EPHA5: variants seen among roughly 807,000 people sequenced by gnomAD.
The protein encoded by EPHA5 is ephrin type-A receptor 5.
Under a neutral mutation model 105.0 loss-of-function variants are expected in EPHA5, and 60 were observed. The ratio of observed to expected loss-of-function variants is 0.57; its 90% CI spans 0.46 to 0.71. The LOEUF (loss-of-function observed/expected upper bound fraction) is 0.71, where lower values mean the gene tolerates loss of function less well. Among genes scored for constraint, EPHA5 ranks in the 30% least tolerant of loss-of-function variants. The pLI is 0.00. For missense variants in EPHA5, 1,218 were observed against 1,274.7 expected (o/e 0.96, Z 0.68); for synonymous variants, 513 against 449.1 (o/e 1.14, Z -1.80).
At chr4:65,431,423 T>C (rs1163972388) in intron 5 of EPHA5, among the ~76,000 whole-genome samples, 2 of 152,128 alleles carry the variant, frequency 1.3e-5, no homozygotes, top group Non-Finnish European at 2.9e-5. Flanking sequence ...AACATGCATG[T>C]GGAGTAACAA....
intron 14 of EPHA5, among the ~76,000 whole-genome samples, chr4:65,345,062 A>G (rs1350989646): frequency 2.0e-5 from 3 of 152,218 alleles, no homozygotes; most frequent in Non-Finnish European, 4.4e-5. Flanking sequence ...TAAAACAGTA[A>G]CAATAATAGC....
At chr4:65,408,993 G>A (rs955857418) in intron 7 of EPHA5, among the ~76,000 whole-genome samples, 3 of 112,716 alleles carry the variant, frequency 2.7e-5, no homozygotes, top group African/African-American at 9.4e-5. Context: ...TATACACCAT[G>A]GAATACTATG....
Position 65,602,148 on chromosome 4 carries a change from G to A in EPHA5, c.403C>T (p.Arg135Trp), listed in dbSNP as rs56375573. The A allele has an allele frequency of 1.2e-6, 2 of 1,614,024 alleles. No homozygotes were observed. Among genetic ancestry groups the A allele is most frequent in the Non-Finnish European group, 1.7e-6 (2 of 1,180,014 alleles). Residue 135 changes from arginine (R) to tryptophan (W), a missense_variant, in exon 3 of 17, where the codon CGG (arginine) becomes TGG (tryptophan). Physicochemically the swap from Arg to Trp is moderately radical, Grantham distance 101. Around this residue, in one of 3 missense-constraint regions of EPHA5, gnomAD observed 233 missense variants for 227.5 expected, o/e 1.02. Coordinates refer to ENST00000613740, the MANE Select transcript of EPHA5 (RefSeq NM_001281766.3). ...RIFIELKFTL[R>W]DCNSLPGGLG... ...CCTCCAGGAAGGCTGTTGCAGTCCC[G>A]CAGGGTAAATTTGAGTTCTATGAAG...
chr4:65,501,137 C>T (rs1454569580), intron 3 of EPHA5, among the ~76,000 whole-genome samples: 7 of 151,218 alleles, frequency 4.6e-5, no homozygotes, highest in Admixed American at 4.0e-4. Context: ...AAACAAAATG[C>T]TATAAGGGAA....
intron 5 of EPHA5, among the ~76,000 whole-genome samples, chr4:65,427,774 G>A (rs1724586556): frequency 6.6e-6 from 1 of 152,202 alleles, no homozygotes. Context: ...AGATGAAATA[G>A]TATTGGCATT....
chr4:65,574,510 T>C (rs1375725313), intron 3 of EPHA5, among the ~76,000 whole-genome samples: 1 of 148,364 alleles, frequency 6.7e-6, no homozygotes, highest in Non-Finnish European at 1.5e-5. Context: ...TATTAAAATG[T>C]CATTCCACAT....
At chr4:65,421,405 G>A (rs1006990889) in intron 5 of EPHA5, among the ~76,000 whole-genome samples, 24 of 152,042 alleles carry the variant, frequency 1.6e-4, no homozygotes, top group African/African-American at 5.5e-4. Context: ...TTATTGAAAA[G>A]TACTAACATT....
intron 3 of EPHA5, among the ~76,000 whole-genome samples, chr4:65,498,597 G>C (rs941679282): frequency 6.6e-6 from 1 of 151,740 alleles, no homozygotes; most frequent in Non-Finnish European, 1.5e-5. Context: ...AATGAGAATG[G>C]GGTAAAATCA....
intron 3 of EPHA5, among the ~76,000 whole-genome samples, chr4:65,499,908 G>T (rs558682989): frequency 1.9e-4 from 28 of 150,982 alleles, no homozygotes; most frequent in African/African-American, 6.5e-4. Context: ...AGACACTGAA[G>T]ATATAATTCG....
chr4:65,539,037 G>A (rs28541529), intron 3 of EPHA5, among the ~76,000 whole-genome samples: 17,382 of 151,636 alleles, frequency 0.11, 1,442 homozygotes, highest in East Asian at 0.3. Context: ...TGTGTTTTAT[G>A]TTCTCCTTGT....
chr4:65,669,336 C>T, intron 1 of EPHA5: 2 of 945,432 alleles, frequency 2.1e-6, no homozygotes, highest in Non-Finnish European at 2.5e-6. Flanking sequence ...CCTCTGTCCA[C>T]ACGCATGTTC....
At chr4:65,422,177 G>C (rs1007708792) in intron 5 of EPHA5, among the ~76,000 whole-genome samples, 1 of 152,034 alleles carries the variant, frequency 6.6e-6, no homozygotes, top group African/African-American at 2.4e-5. Context: ...TAGAATGAGG[G>C]GAGAAGACCA....
chr4:65,579,342 A>G (rs2149394278), intron 3 of EPHA5, among the ~76,000 whole-genome samples: 1 of 127,254 alleles, frequency 7.9e-6, no homozygotes, highest in East Asian at 2.1e-4. Flanking sequence ...ATGTGTAAAT[A>G]TATATATGTA....
rs1022785985 is a variant in EPHA5, at chr4:65,323,571, T to C, written c.*543A>G. On this transcript the variant is annotated 3_prime_UTR_variant, in exon 17 of 17. Coordinates refer to ENST00000613740, the MANE Select transcript of EPHA5 (RefSeq NM_001281766.3). The stretch of plus-strand genomic sequence containing the variant: ...CAACATGTTTACACACTAGTTTCTA[T>C]AACTTAACGCTGTGTAACAGCATTT... 2.2e-5 allele frequency: 5 copies of C among 230,210 alleles called. No individual in the cohort carries two copies. The highest frequency in any genetic ancestry group is 5.7e-5 in the Admixed American group (1 of 17,608). 14.3% of individuals were successfully genotyped at this position (230,210 alleles called of 1,614,324 possible). A position where few individuals can be genotyped will look rare whatever the true frequency, so the allele number is the denominator to read the frequency against.
At chr4:65,558,939 C>T (rs1292494976) in intron 3 of EPHA5, among the ~76,000 whole-genome samples, 1 of 151,958 alleles carries the variant, frequency 6.6e-6, no homozygotes, top group Non-Finnish European at 1.5e-5. Flanking sequence ...TTTTTTAAAA[C>T]AGTAATAGTG....
chr4:65,439,056 C>T (rs964729938), intron 5 of EPHA5, among the ~76,000 whole-genome samples: 3 of 152,056 alleles, frequency 2.0e-5, no homozygotes, highest in Non-Finnish European at 4.4e-5. Context: ...GAAGTAGATA[C>T]TATCATTATG....
At chr4:65,586,143 T>C (rs895851586) in intron 3 of EPHA5, among the ~76,000 whole-genome samples, 1 of 151,752 alleles carries the variant, frequency 6.6e-6, no homozygotes, top group Non-Finnish European at 1.5e-5. Context: ...AAAGTATCAA[T>C]AAGTATTAAC....
At chr4:65,476,182 C>G (rs2149174935) in intron 5 of EPHA5, among the ~76,000 whole-genome samples, 1 of 149,496 alleles carries the variant, frequency 6.7e-6, no homozygotes, top group Middle Eastern at 3.5e-3. Context: ...ATTATTGGCC[C>G]CTACATTGTA....
At chr4:65,629,424 G>C (rs1360011005) in intron 2 of EPHA5, among the ~76,000 whole-genome samples, 1 of 152,102 alleles carries the variant, frequency 6.6e-6, no homozygotes, top group Non-Finnish European at 1.5e-5. Context: ...TTATGGAAAA[G>C]AATGATGATA....
Sources: gnomAD v4.1 joint callset for allele counts (sites outside exome capture counted in the v4.1 genomes callset) on GRCh38, gnomAD v4.1.1 for gene constraint, gnomAD v4.1.1 regional missense constraint, MANE v1.5 for transcripts, NCBI Gene and HGNC (gene_info 2026-07-23, HGNC 2026-07-21) for gene names.